The following RIT2 variants were observed in gnomAD, a reference collection of about 807,000 sequenced individuals.
RIT2 encodes Ras like without CAAX 2, also known as GTP-binding protein Rit2.
Under a neutral mutation model 23.7 loss-of-function variants are expected in RIT2, and 24 were observed. That is an observed-to-expected ratio of 1.01 (90% CI 0.73 to 1.43). RIT2 has a LOEUF of 1.43. RIT2 is among the 40% of genes most tolerant of loss of function. The pLI, the probability that RIT2 is intolerant of heterozygous loss-of-function variation, is 0.00. For synonymous variants in RIT2, 107 were observed against 91.1 expected (o/e 1.17, Z -0.99); for missense variants, 236 against 266.9 (o/e 0.88, Z 0.81).
chr18:42,823,472 A>G (rs765268168), intron 4 of RIT2, among the ~76,000 whole-genome samples: 4 of 152,194 alleles, frequency 2.6e-5, no homozygotes, highest in Non-Finnish European at 2.9e-5. Context: ...AAACTGTGAA[A>G]GCAAAGATTA....
chr18:43,115,587 TAAGCAACTCTAAAACTGTGTC>T lies in RIT2; in HGVS notation c.-89_-69del. On this transcript the variant is annotated 5_prime_UTR_variant, in exon 1 of 5. Transcript: ENST00000326695. ...CCGTGTCAGGTGCTTGCTCGAATAT[TAAGCAACTCTAAAACTGTGTC>T]AAAGCAAAGGTTTTAGTACGAGGTA... 1 of 1,562,694 alleles carries T rather than the reference TAAGCAACTCTAAAACTGTGTC, an allele frequency of 6.4e-7. No individual in the cohort carries two copies. The highest frequency in any genetic ancestry group is 8.6e-7 in the Non-Finnish European group (1 of 1,161,814).
chr18:43,063,137 A>G (rs1046932842), intron 1 of RIT2, among the ~76,000 whole-genome samples: 1 of 152,204 alleles, frequency 6.6e-6, no homozygotes, highest in Non-Finnish European at 1.5e-5. Flanking sequence ...TTCTTTAAAA[A>G]GTTGTTCAGT....
chr18:42,890,893 G>A (rs1908154766), intron 4 of RIT2, among the ~76,000 whole-genome samples: 1 of 152,052 alleles, frequency 6.6e-6, no homozygotes, highest in Non-Finnish European at 1.5e-5. Flanking sequence ...ATAATTCTAG[G>A]AGCAATGCTA....
In RIT2 at chr18:42,758,221, C is replaced by T. The variant is rs751222678; in HGVS notation, c.427-14501G>A. On this transcript the variant is annotated intron_variant, in intron 4 of 4. Coordinates refer to ENST00000326695, the MANE Select transcript of RIT2 (RefSeq NM_002930.4). The stretch of plus-strand genomic sequence containing the variant: ...AAGGAAAGGATTAGAAAAAAAAAGA[C>T]GTACAATTTCAAAATAAAATACATT... Among the ~76,000 whole-genome samples the T allele has an allele frequency of 2.0e-4, 31 of 152,058 alleles. No individual in the cohort carries two copies. The East Asian group carries it at 3.5e-3, about 17-fold the overall frequency.
intron 1 of RIT2, among the ~76,000 whole-genome samples, chr18:43,063,989 T>G (rs1912712937): frequency 6.6e-6 from 1 of 152,092 alleles, no homozygotes; most frequent in African/African-American, 2.4e-5. Flanking sequence ...GATGAAAAAT[T>G]TACGTCCAGA....
chr18:42,791,250 C>G (rs932456752), intron 4 of RIT2, among the ~76,000 whole-genome samples: 3 of 152,126 alleles, frequency 2.0e-5, no homozygotes, highest in Admixed American at 2.0e-4. Context: ...GCTGTCTACA[C>G]CAACCCCAGA....
chr18:43,073,881 G>A (rs984420724), intron 1 of RIT2, among the ~76,000 whole-genome samples: 1 of 152,164 alleles, frequency 6.6e-6, no homozygotes, highest in East Asian at 1.9e-4. Flanking sequence ...CATGGAAGAG[G>A]TAGCAGTTTA....
At chr18:42,882,326 T>C (rs1907916147) in intron 4 of RIT2, among the ~76,000 whole-genome samples, 3 of 152,182 alleles carry the variant, frequency 2.0e-5, no homozygotes. Flanking sequence ...GTCATGCTAC[T>C]ACATATTTGG....
chr18:43,070,653 A>G (rs1167057050), intron 1 of RIT2, among the ~76,000 whole-genome samples: 1 of 152,210 alleles, frequency 6.6e-6, no homozygotes, highest in Non-Finnish European at 1.5e-5. Context: ...ATATGAAAAC[A>G]TGATTTGCCT....
intron 1 of RIT2, among the ~76,000 whole-genome samples, chr18:43,114,820 A>G (rs937544363): frequency 1.3e-5 from 2 of 152,194 alleles, no homozygotes; most frequent in Non-Finnish European, 2.9e-5. Context: ...AATTGACCAC[A>G]AAGTTTAGTT....
chr18:43,107,437 A>C (rs1913849783), intron 1 of RIT2, among the ~76,000 whole-genome samples: 1 of 152,194 alleles, frequency 6.6e-6, no homozygotes, highest in African/African-American at 2.4e-5. Context: ...GCGTGCACGC[A>C]TACACACACA....
At chr18:42,913,824 T>C (rs1407254189) in intron 4 of RIT2, among the ~76,000 whole-genome samples, 1 of 152,000 alleles carries the variant, frequency 6.6e-6, no homozygotes, top group African/African-American at 2.4e-5. Context: ...TGCAATTCCT[T>C]GTAAATAACC....
At chr18:42,832,850 C>T (rs1401489808) in intron 4 of RIT2, among the ~76,000 whole-genome samples, 2 of 151,724 alleles carry the variant, frequency 1.3e-5, no homozygotes, top group African/African-American at 4.8e-5. Flanking sequence ...GTCAGGAGTT[C>T]GAGACCAGCC....
intron 4 of RIT2, among the ~76,000 whole-genome samples, chr18:42,893,355 C>T (rs1908234543): frequency 6.6e-6 from 1 of 152,062 alleles, no homozygotes; most frequent in South Asian, 2.1e-4. Flanking sequence ...AGTCCAAGAT[C>T]AAGGCATCAG....
chr18:43,033,640 C>G (rs1405143312), intron 2 of RIT2, among the ~76,000 whole-genome samples, 171 bp downstream of exon 2: 1 of 152,106 alleles, frequency 6.6e-6, no homozygotes, highest in African/African-American at 2.4e-5. Context: ...AGGACAAATA[C>G]TGTCTCTTGA....
chr18:42,780,995 A>G (rs755503630), intron 4 of RIT2, among the ~76,000 whole-genome samples: 4 of 152,134 alleles, frequency 2.6e-5, no homozygotes, highest in Non-Finnish European at 4.4e-5. Context: ...ATATCTTGGT[A>G]AAAATAATCA....
chr18:42,852,895 G>C (rs942462523), intron 4 of RIT2, among the ~76,000 whole-genome samples: 14 of 150,378 alleles, frequency 9.3e-5, no homozygotes, highest in African/African-American at 3.4e-4. Flanking sequence ...ATGCAGTGGT[G>C]CAATCTTGGC....
intron 4 of RIT2, among the ~76,000 whole-genome samples, chr18:42,860,467 C>T (rs1375070757): frequency 2.0e-5 from 3 of 152,102 alleles, no homozygotes; most frequent in South Asian, 2.1e-4. Context: ...ATAATTTTTT[C>T]CAGTGTTCTC....
At position 42,997,566 on chromosome 18, in the gene RIT2, A is replaced by T. The variant is rs536437820; in HGVS notation, c.161-23419T>A. ...CTTGTTTCATATTTTAATGCCAGAG[A>T]GACACAGCTAATGATGCTAATCTCG... On this transcript the variant is annotated intron_variant, in intron 2 of 4. Transcript: ENST00000326695. Among the ~76,000 whole-genome samples, 379 of 152,118 alleles carry T rather than the reference A, an allele frequency of 2.5e-3. 1 individual carries two copies. The highest frequency in any genetic ancestry group is 8.6e-3 in the African/African-American group (356 of 41,518).
Sources: allele counts gnomAD v4.1 joint callset (sites outside exome capture counted in the v4.1 genomes callset), GRCh38; gene constraint gnomAD v4.1.1; transcripts MANE v1.5; gene names NCBI Gene and HGNC (gene_info 2026-07-23, HGNC 2026-07-21).